The following LARGE1 variants were observed in gnomAD, a reference collection of about 807,000 sequenced individuals.
LARGE1 encodes xylosyl- and glucuronyltransferase LARGE1.
In LARGE1, 43 loss-of-function variants were observed where a neutral mutation model predicts 87.6. The observed-to-expected ratio is 0.49, with a 90% CI of 0.38 to 0.63. The LOEUF is 0.63. LARGE1 is among the 30% of genes least tolerant of loss of function. The probability of loss-of-function intolerance (pLI) is 0.00; values close to 1 mark genes in which losing one functional copy is unlikely to be tolerated. For missense variants in LARGE1, 802 were observed against 1,000.2 expected, an observed-to-expected ratio of 0.80 and a Z score of 2.67; for synonymous variants, 434 against 394.6, an observed-to-expected ratio of 1.10 and a Z score of -1.18.
At chr22:33,576,437 G>C (rs2078354434) in intron 5 of LARGE1, among the ~76,000 whole-genome samples, 1 of 152,076 alleles carries the variant, frequency 6.6e-6, no homozygotes, top group African/African-American at 2.4e-5. Flanking sequence ...CTGTCAGGGT[G>C]GTGGTTTACC....
intron 6 of LARGE1, among the ~76,000 whole-genome samples, chr22:33,438,180 G>A (rs2067341315): frequency 6.6e-6 from 1 of 152,128 alleles, no homozygotes; most frequent in Non-Finnish European, 1.5e-5. Flanking sequence ...GTCTACAGCT[G>A]TAACCTTGAT....
chr22:33,462,244 T>C (rs553476727), intron 6 of LARGE1, among the ~76,000 whole-genome samples: 1 of 152,236 alleles, frequency 6.6e-6, no homozygotes, highest in South Asian at 2.1e-4. Context: ...ATACCTTCAG[T>C]GTGCTGAGAG....
the LARGE1 span, among the ~76,000 whole-genome samples, chr22:33,132,809 C>T: frequency 1.3e-5 from 2 of 152,080 alleles, no homozygotes; most frequent in African/African-American, 4.8e-5. Context: ...CCAGACTGCC[C>T]TGGGAAAACG....
At position 33,308,656 on chromosome 22, in the gene LARGE1, G is replaced by A. The variant is rs148997970; in HGVS notation, c.1452-4149C>T. ...CTTGTACCTGCCGCCATGTGAACTA[G>A]CCCTACACCACCTTGCCCTGGCGTT... On this transcript the variant is annotated intron_variant, in intron 11 of 14. Transcript: ENST00000397394. Among the ~76,000 whole-genome samples, 13 of 152,224 alleles carry A rather than the reference G, an allele frequency of 8.5e-5. No homozygotes were observed. The East Asian group carries it at 2.1e-3, about 25-fold the overall frequency.
At chr22:33,703,737 C>T (rs563162277) in intron 2 of LARGE1, among the ~76,000 whole-genome samples, 14 of 152,366 alleles carry the variant, frequency 9.2e-5, no homozygotes, top group Middle Eastern at 6.8e-3. Flanking sequence ...TCCCTCAGAG[C>T]TTCCAGAAGA....
intron 2 of LARGE1, among the ~76,000 whole-genome samples, chr22:33,670,520 G>T (rs2081378800): frequency 6.6e-6 from 1 of 151,982 alleles, no homozygotes; most frequent in Non-Finnish European, 1.5e-5. Context: ...TGCCAAAGTG[G>T]ACCCACGGGG....
intron 5 of LARGE1, among the ~76,000 whole-genome samples, chr22:33,604,186 T>C (rs1261994731): frequency 6.6e-6 from 1 of 152,226 alleles, no homozygotes; most frequent in Non-Finnish European, 1.5e-5. Flanking sequence ...ACCAGGCCAA[T>C]GCTCTCCAGC....
At chr22:33,807,944 T>C (rs571739270) in intron 1 of LARGE1, among the ~76,000 whole-genome samples, 1 of 152,378 alleles carries the variant, frequency 6.6e-6, no homozygotes, top group Admixed American at 6.5e-5. Flanking sequence ...TTGGCAATCA[T>C]GAATAAAGTT....
At chr22:33,553,356 A>T (rs1602396480) in intron 6 of LARGE1, among the ~76,000 whole-genome samples, 1 of 53,006 alleles carries the variant, frequency 1.9e-5, no homozygotes, top group South Asian at 5.9e-4. Flanking sequence ...AATAAAAATT[A>T]AAAAAAAAAA....
At chr22:33,911,708 C>T (rs1180395269) in intron 1 of LARGE1, among the ~76,000 whole-genome samples, 6 of 152,224 alleles carry the variant, frequency 3.9e-5, no homozygotes, top group Non-Finnish European at 7.3e-5. Flanking sequence ...AAAATCCCTA[C>T]AAACTCGGAG....
At chr22:33,856,589 G>A (rs544483519) in intron 1 of LARGE1, among the ~76,000 whole-genome samples, 7 of 152,322 alleles carry the variant, frequency 4.6e-5, no homozygotes, top group African/African-American at 1.2e-4. Flanking sequence ...GGCGGACAAC[G>A]CCAAGCCCTA....
intron 6 of LARGE1, among the ~76,000 whole-genome samples, chr22:33,545,419 AACACACACAC>A (rs55754949): frequency 2.2e-4 from 31 of 143,876 alleles, no homozygotes; most frequent in East Asian, 4.2e-4. Context: ...ACACCCAGCT[AACACACACAC>A]ACACACACAC....
intron 11 of LARGE1, among the ~76,000 whole-genome samples, chr22:33,266,346 C>T (rs752441213): frequency 1.3e-5 from 2 of 150,766 alleles, no homozygotes; most frequent in Admixed American, 6.6e-5. Flanking sequence ...CTCAGCCTCC[C>T]GAGTAGCTGG....
At chr22:33,712,346 G>A (rs2082756434) in intron 2 of LARGE1, among the ~76,000 whole-genome samples, 1 of 152,156 alleles carries the variant, frequency 6.6e-6, no homozygotes, top group African/African-American at 2.4e-5. Context: ...CCTGCACTGA[G>A]CATCTAAACA....
chr22:33,150,082 T>G, the LARGE1 span, among the ~76,000 whole-genome samples: 6 of 152,182 alleles, frequency 3.9e-5, no homozygotes, highest in African/African-American at 1.4e-4. Flanking sequence ...AACTTAAATT[T>G]GTTTTATCTG....
the LARGE1 span, chr22:33,108,750 T>C: frequency 1.3e-5 from 2 of 152,122 alleles, no homozygotes; most frequent in African/African-American, 2.4e-5. Context: ...TATTAGCAAT[T>C]ATACTACTGT....
In LARGE1 at chr22:33,848,423, T is replaced by C. The variant is rs566409782; in HGVS notation, c.-83+71572A>G. ...CTGAGAGTCTTTGGCCAGCCCTCTA[T>C]TTCTCTCTCCACCCCCAGCCCTGCA... is the stretch of plus-strand genomic sequence containing the variant. On this transcript the variant is annotated intron_variant, in intron 1 of 14. Coordinates refer to ENST00000397394, the MANE Select transcript of LARGE1 (RefSeq NM_133642.5). Among the ~76,000 whole-genome samples the C allele has an allele frequency of 2.6e-5, 4 of 151,964 alleles. No individual in the cohort carries two copies. In the South Asian group the frequency reaches 8.3e-4, roughly 32 times the overall value.
chr22:33,442,817 G>T (rs1601857119), intron 6 of LARGE1, among the ~76,000 whole-genome samples: 1 of 149,844 alleles, frequency 6.7e-6, no homozygotes, highest in Admixed American at 6.6e-5. Context: ...TTTTGAGATG[G>T]AGTCTCGCTC....
intron 11 of LARGE1, among the ~76,000 whole-genome samples, chr22:33,253,486 C>A (rs912301201): frequency 6.6e-6 from 1 of 152,146 alleles, no homozygotes; most frequent in African/African-American, 2.4e-5. Context: ...CCCAGGTGGG[C>A]AGATCACTTA....
Sources: gnomAD v4.1 joint callset for allele counts (sites outside exome capture counted in the v4.1 genomes callset) on GRCh38, gnomAD v4.1.1 for gene constraint, MANE v1.5 for transcripts, NCBI Gene and HGNC (gene_info 2026-07-23, HGNC 2026-07-21) for gene names.